The following SNRPN variants were observed in gnomAD, a reference collection of about 807,000 sequenced individuals.
SNRPN encodes small nuclear ribonucleoprotein-associated protein N.
Under a neutral mutation model 25.2 loss-of-function variants are expected in SNRPN, and 7 were observed. That is an observed-to-expected ratio of 0.28 (90% CI 0.16 to 0.52). SNRPN has a LOEUF of 0.52. Ranked by LOEUF, SNRPN falls within the 20% of genes least tolerant of loss-of-function variation. The pLI, the probability that SNRPN is intolerant of heterozygous loss-of-function variation, is 0.96. For synonymous variants in SNRPN, 124 were observed against 110.6 expected, an observed-to-expected ratio of 1.12 and a Z score of -0.76; for missense variants, 196 against 322.5, an observed-to-expected ratio of 0.61 and a Z score of 3.00.
Position 24,977,813 on chromosome 15 carries a change from T to G in SNRPN, c.456T>G (p.Ala152=). The G allele has an allele frequency of 6.2e-7, 1 of 1,612,708 alleles. No individual in the cohort carries two copies. Among genetic ancestry groups the G allele is most frequent in the Admixed American group, 1.7e-5 (1 of 59,900 alleles). The part of the protein sequence containing the change: ...MTPQGRGTVA[A]AAVAATASIA... ...CACAGGGAAGAGGCACTGTAGCAGC[T>G]GCTGCTGTTGCTGCGACTGCCAGTA... Residue 152 remains alanine (A), a synonymous_variant, in exon 8 of 10, where the codon GCT becomes GCG. Transcript: ENST00000390687.
intron 2 of SNRPN, among the ~76,000 whole-genome samples, chr15:24,913,627 CAT>C (rs2059350627): frequency 1.3e-5 from 2 of 151,036 alleles, no homozygotes; most frequent in South Asian, 4.2e-4. Context: ...GCCTGGGTGA[CAT>C]AGTGAGACTC....
At chr15:24,834,237 C>A (rs1009120024) in intron 2 of SNRPN, among the ~76,000 whole-genome samples, 3 of 151,988 alleles carry the variant, frequency 2.0e-5, no homozygotes, top group Admixed American at 2.0e-4. Flanking sequence ...AAATGCCCAT[C>A]CCATTATATT....
chr15:24,825,052 A>AAT (rs2049981054), intron 1 of SNRPN, among the ~76,000 whole-genome samples: 1 of 152,064 alleles, frequency 6.6e-6, no homozygotes, highest in South Asian at 2.1e-4. Flanking sequence ...GCACTTATTT[A>AAT]AGATACATGA....
At chr15:24,936,074 C>T (rs1234270742) in intron 3 of SNRPN, among the ~76,000 whole-genome samples, 1 of 151,666 alleles carries the variant, frequency 6.6e-6, no homozygotes, top group African/African-American at 2.4e-5. Flanking sequence ...GAGATCATGC[C>T]ACTGCACTCC....
At chr15:24,836,418 A>ATTTTTTT (rs36035592) in intron 2 of SNRPN, among the ~76,000 whole-genome samples, 1 of 149,820 alleles carries the variant, frequency 6.7e-6, no homozygotes. Context: ...ATGCAAATGC[A>ATTTTTTT]TTTTTTTTTT....
chr15:24,894,330 C>T (rs1456281502), intron 2 of SNRPN, among the ~76,000 whole-genome samples: 25 of 152,142 alleles, frequency 1.6e-4, no homozygotes, highest in Non-Finnish European at 2.8e-4. Context: ...GCCATTCTCC[C>T]GCCTCAGCCT....
chr15:24,844,239 T>A (rs755202997), intron 2 of SNRPN, among the ~76,000 whole-genome samples: 7 of 152,114 alleles, frequency 4.6e-5, no homozygotes, highest in Non-Finnish European at 7.4e-5. Flanking sequence ...GGCACCTTAC[T>A]GTGGTTTCAA....
intron 2 of SNRPN, chr15:24,909,117 T>G: frequency 1.5e-6 from 2 of 1,347,498 alleles, no homozygotes; most frequent in Non-Finnish European, 2.1e-6. Flanking sequence ...ATTTCCTCCA[T>G]CATGTCTGGA....
At chr15:24,919,169 C>A (rs1465023985) in intron 2 of SNRPN, among the ~76,000 whole-genome samples, 1 of 151,450 alleles carries the variant, frequency 6.6e-6, no homozygotes, top group African/African-American at 2.4e-5. Flanking sequence ...GTGGCTCACG[C>A]CTGTAATCCC....
chr15:24,880,801 T>A (rs995470959), intron 1 of SNRPN, among the ~76,000 whole-genome samples: 1 of 152,036 alleles, frequency 6.6e-6, no homozygotes, highest in African/African-American at 2.4e-5. Flanking sequence ...TGGAGTGGAA[T>A]GGCATGATCT....
At position 24,974,373 on chromosome 15, in the gene SNRPN, A is replaced by T; in HGVS notation, c.-81A>T. ...TTGTTTCTAGGAGAACCTGCGTCATACCTTTATCTATAGCCTTCCCCTAGG... is the reference window on the plus strand; with the variant it reads ...TTGTTTCTAGGAGAACCTGCGTCATTCCTTTATCTATAGCCTTCCCCTAGG... On this transcript the variant is annotated 5_prime_UTR_variant, in exon 4 of 10. Coordinates refer to ENST00000390687, the MANE Select transcript of SNRPN (RefSeq NM_003097.6). The T allele has an allele frequency of 7.5e-7, 1 of 1,337,866 alleles. No individual in the cohort carries two copies. Among genetic ancestry groups the T allele is most frequent in the Non-Finnish European group, 1.1e-6 (1 of 928,250 alleles). The allele number at this position is 1,337,866 out of a possible 1,614,324, so 82.9% of individuals were successfully genotyped here. A position where few individuals can be genotyped will look rare whatever the true frequency, so the allele number is the denominator to read the frequency against.
intron 2 of SNRPN, among the ~76,000 whole-genome samples, chr15:24,837,439 G>C (rs1470758073): frequency 6.6e-6 from 1 of 151,462 alleles, no homozygotes; most frequent in Non-Finnish European, 1.5e-5. Context: ...TGCGATCTTG[G>C]CTCACTGCAA....
chr15:24,836,537 G>T (rs906246974), intron 2 of SNRPN, among the ~76,000 whole-genome samples: 1 of 151,756 alleles, frequency 6.6e-6, no homozygotes. Context: ...TCAGTCTCCC[G>T]AGTAGCTGGG....
intron 1 of SNRPN, among the ~76,000 whole-genome samples, chr15:24,959,983 G>C (rs1033494304): frequency 6.6e-6 from 1 of 152,164 alleles, no homozygotes; most frequent in African/African-American, 2.4e-5. Flanking sequence ...AACATGAACT[G>C]TCTGGGCATG....
At chr15:24,955,907 G>A (rs1042200391) in intron 1 of SNRPN, among the ~76,000 whole-genome samples, 16 of 151,922 alleles carry the variant, frequency 1.1e-4, no homozygotes, top group Non-Finnish European at 1.5e-4. Context: ...ACTAAGGGAC[G>A]CTGAATGATT....
chr15:24,909,545 G>T, intron 2 of SNRPN: 1 of 1,449,688 alleles, frequency 6.9e-7, no homozygotes, highest in South Asian at 1.1e-5. Context: ...AGCATAATTT[G>T]TCGGGCCAAC....
chr15:24,878,607 C>G (rs2149390686), intron 1 of SNRPN, among the ~76,000 whole-genome samples: 1 of 152,290 alleles, frequency 6.6e-6, no homozygotes, highest in Admixed American at 6.5e-5. Flanking sequence ...TGGTCTTGCA[C>G]TTTATGTGTG....
chr15:24,910,924 C>T (rs2152115452), intron 2 of SNRPN: 2 of 742,978 alleles, frequency 2.7e-6, no homozygotes, highest in South Asian at 1.6e-5. Context: ...GCTTTTCCTC[C>T]TGTAGGCTGG....
At chr15:24,856,095 C>G (rs940127822), upstream of SNRPN, among the ~76,000 whole-genome samples, 5 of 152,044 alleles carry the variant, frequency 3.3e-5, no homozygotes, top group Non-Finnish European at 7.4e-5. Context: ...AAATATCACA[C>G]TATTTTAGTA....
Sources: gnomAD v4.1 joint callset for allele counts (sites outside exome capture counted in the v4.1 genomes callset) on GRCh38, gnomAD v4.1.1 for gene constraint, MANE v1.5 for transcripts, NCBI Gene and HGNC (gene_info 2026-07-23, HGNC 2026-07-21) for gene names.